The following NOXRED1 variants were observed in gnomAD, a reference collection of about 807,000 sequenced individuals.
The protein encoded by NOXRED1 is NADP dependent oxidoreductase domain containing 1, also known as NADP-dependent oxidoreductase domain-containing protein 1.
Under a neutral mutation model 30.4 loss-of-function variants are expected in NOXRED1, and 20 were observed. That is an observed-to-expected ratio of 0.66 (90% CI 0.46 to 0.96). NOXRED1 has a LOEUF of 0.96. Among genes scored for constraint, NOXRED1 ranks in the 40% least tolerant of loss-of-function variants. NOXRED1 has a pLI of 0.00. For missense variants in NOXRED1, 374 were observed against 428.0 expected (o/e 0.87, Z 1.11); for synonymous variants, 155 against 168.0 (o/e 0.92, Z 0.60).
At chr14:77,403,723 A>T (rs1156637276) in intron 5 of NOXRED1, among the ~76,000 whole-genome samples, 1 of 152,186 alleles carries the variant, frequency 6.6e-6, no homozygotes, top group Non-Finnish European at 1.5e-5. Flanking sequence ...CTCAACATTT[A>T]ATTAAAATAG....
chr14:77,409,129 T>C lies in NOXRED1; in HGVS notation c.350-1484A>G, dbSNP rs202210564. On this transcript the variant is annotated intron_variant, in intron 2 of 5. Coordinates refer to ENST00000380835, the MANE Select transcript of NOXRED1 (RefSeq NM_001113475.3). ...ACAGACATTGGAGAGTGACTTCTTA[T>C]GTTAACCACTGAGAGTACATGGCAA... Among the ~76,000 whole-genome samples the C allele has an allele frequency of 2.6e-5, 4 of 152,156 alleles. No homozygotes were observed. The East Asian group carries it at 5.8e-4, about 22-fold the overall frequency.
intron 5 of NOXRED1, among the ~76,000 whole-genome samples, chr14:77,396,744 C>T (rs893433513): frequency 1.3e-5 from 2 of 152,110 alleles, no homozygotes; most frequent in African/African-American, 4.8e-5. Context: ...AAAACATGTA[C>T]AAGACTTGCA....
In NOXRED1 at chr14:77,413,985, G is replaced by A; in HGVS notation, c.298C>T (p.Pro100Ser). The change falls in exon 2 of 6, where the codon CCC (proline) becomes TCC (serine). Residue 100 changes from proline to serine, a missense_variant. Coordinates refer to ENST00000380835, the MANE Select transcript of NOXRED1 (RefSeq NM_001113475.3). Reference sequence around the variant, plus strand: ...ATCCGCAGGCTTTCAGCAGGGATGGGGCCAAGCTGCAGCAGTGTGCCAGCC... The same window carrying A: ...ATCCGCAGGCTTTCAGCAGGGATGGAGCCAAGCTGCAGCAGTGTGCCAGCC... ...QLAGTLLQLG[P>S]IPAESLRIST... is the part of the protein sequence containing the mutation. 1 of 1,608,504 alleles carries A rather than the reference G, an allele frequency of 6.2e-7. No homozygotes were observed. The highest frequency in any genetic ancestry group is 8.5e-7 in the Non-Finnish European group (1 of 1,176,314).
chr14:77,422,623 G>A, intron 1 of NOXRED1, 112 bp downstream of exon 1: 1 of 1,034,348 alleles, frequency 9.7e-7, no homozygotes, highest in Non-Finnish European at 1.5e-6. Flanking sequence ...GAAAAGATAG[G>A]ATGACAATCC....
intron 2 of NOXRED1, among the ~76,000 whole-genome samples, chr14:77,411,878 G>A (rs1324552992): frequency 1.3e-5 from 2 of 152,126 alleles, no homozygotes; most frequent in Non-Finnish European, 2.9e-5. Flanking sequence ...GATCACCTGA[G>A]GTCAGGAGTA....
chr14:77,414,554 C>T (rs768954037), intron 1 of NOXRED1, among the ~76,000 whole-genome samples: 7 of 152,132 alleles, frequency 4.6e-5, no homozygotes, highest in African/African-American at 7.2e-5. Flanking sequence ...TTAAGTACTT[C>T]GGAGATAAGA....
rs377336030 is a variant in NOXRED1 at position 77,413,127 on chromosome 14, A to G, written c.349+807T>C. Among the ~76,000 whole-genome samples the G allele has an allele frequency of 5.6e-4, 85 of 152,302 alleles. 2 individuals carry two copies. In the South Asian group the frequency reaches 0.017, roughly 30 times the overall value. On this transcript the variant is annotated intron_variant, in intron 2 of 5. Transcript: ENST00000380835. ...TTAACCCATACCTCTCTCTCAAGAT[A>G]TAAAACATTTTCATCTCCCCAGAAA...
chr14:77,409,882 A>G (rs1388349621), intron 2 of NOXRED1, among the ~76,000 whole-genome samples: 1 of 150,006 alleles, frequency 6.7e-6, no homozygotes, highest in African/African-American at 2.5e-5. Context: ...ATTTTGGCTC[A>G]CTGCAACTTC....
intron 5 of NOXRED1, among the ~76,000 whole-genome samples, chr14:77,401,557 G>A (rs887542436): frequency 2.0e-5 from 3 of 152,108 alleles, no homozygotes; most frequent in Non-Finnish European, 4.4e-5. Context: ...AATCAGCTGG[G>A]CACAATGGTG....
chr14:77,425,233 AACT>A (rs1895095023), upstream of NOXRED1, among the ~76,000 whole-genome samples: 1 of 152,282 alleles, frequency 6.6e-6, no homozygotes, highest in South Asian at 2.1e-4. Flanking sequence ...ACATGAAGAC[AACT>A]ACGTTAAACA....
chr14:77,412,101 T>TAAAAA (rs71128621), intron 2 of NOXRED1, among the ~76,000 whole-genome samples: 11 of 63,724 alleles, frequency 1.7e-4, no homozygotes, highest in African/African-American at 3.3e-4. Flanking sequence ...AGACTCAGTC[T>TAAAAA]AAAAAAAAAA....
chr14:77,394,930 T>G, intron 5 of NOXRED1, 125 bp from the exon 6 acceptor site: 1 of 608,164 alleles, frequency 1.6e-6, no homozygotes, highest in Non-Finnish European at 2.8e-6. Context: ...ATTAATACCT[T>G]TTCATAAACT....
chr14:77,425,193 T>C (rs528852529), upstream of NOXRED1, among the ~76,000 whole-genome samples: 4 of 152,282 alleles, frequency 2.6e-5, no homozygotes, highest in South Asian at 8.3e-4. Flanking sequence ...CTTCACGGCC[T>C]TCCCTATGGA....
chr14:77,414,943 A>G (rs1894771616), intron 1 of NOXRED1, among the ~76,000 whole-genome samples: 1 of 152,114 alleles, frequency 6.6e-6, no homozygotes. Context: ...TTGAGAGGCC[A>G]AGGCAGGCAG....
At position 77,420,336 on chromosome 14, in the gene NOXRED1, T is replaced by C. The variant is rs979102357; in HGVS notation, c.155+2399A>G. ...TCTTAGTTTCTCTTTATGATATTAT[T>C]TTATTCATGTATTGTTTTCCTGATT... On this transcript the variant is annotated intron_variant, in intron 1 of 5. Transcript: ENST00000380835. Among the ~76,000 whole-genome samples, 4 of 152,030 alleles carry C rather than the reference T, an allele frequency of 2.6e-5. No individual in the cohort carries two copies. The South Asian group carries it at 6.2e-4, about 24-fold the overall frequency.
upstream of NOXRED1, among the ~76,000 whole-genome samples, chr14:77,424,442 G>C (rs892875836): frequency 2.0e-5 from 3 of 152,144 alleles, no homozygotes; most frequent in Admixed American, 6.6e-5. Flanking sequence ...ACTCCAGCCT[G>C]GGCGGCAGAG....
At chr14:77,407,284 A>G (rs1894493699) in intron 3 of NOXRED1, among the ~76,000 whole-genome samples, 181 bp downstream of exon 3, 1 of 152,212 alleles carries the variant, frequency 6.6e-6, no homozygotes. Flanking sequence ...TTTGTGGGTA[A>G]GTAGGGAAGT....
At chr14:77,414,565 C>T (rs888165377) in intron 1 of NOXRED1, among the ~76,000 whole-genome samples, 20 of 152,202 alleles carry the variant, frequency 1.3e-4, no homozygotes, top group African/African-American at 4.8e-4. Context: ...GGAGATAAGA[C>T]ATTTCAACTG....
chr14:77,403,231 A>G (rs574440399), intron 5 of NOXRED1, among the ~76,000 whole-genome samples: 3 of 152,220 alleles, frequency 2.0e-5, no homozygotes, highest in African/African-American at 7.2e-5. Context: ...TAGGGTTGAC[A>G]AACTACTAGA....
Sources: allele counts gnomAD v4.1 joint callset (sites outside exome capture counted in the v4.1 genomes callset), GRCh38; gene constraint gnomAD v4.1.1; transcripts MANE v1.5; gene names NCBI Gene and HGNC (gene_info 2026-07-23, HGNC 2026-07-21).